The following KAZN variants were observed in gnomAD, a reference collection of about 807,000 sequenced individuals.
KAZN encodes kazrin, periplakin interacting protein.
Under a neutral mutation model 87.4 loss-of-function variants are expected in KAZN, and 40 were observed. That is an observed-to-expected ratio of 0.46 (90% confidence interval 0.36 to 0.60). The LOEUF (loss-of-function observed/expected upper bound fraction) is 0.60, where lower values mean the gene tolerates loss of function less well. KAZN is among the 20% of genes least tolerant of loss of function. The probability of loss-of-function intolerance (pLI) is 0.00; values close to 1 mark genes in which losing one functional copy is unlikely to be tolerated. For synonymous variants in KAZN, 466 were observed against 458.3 expected, an observed-to-expected ratio of 1.02 and a Z score of -0.22; for missense variants, 898 against 1,073.9, an observed-to-expected ratio of 0.84 and a Z score of 2.29.
Position 14,340,375 on chromosome 1 carries a change from GTC to G in KAZN, c.249+159787_249+159788del, listed in dbSNP as rs531155399. ...CAGATCTCTGAAAATATTTTAGTAG[GTC>G]TCTGTTTTTCTTAAGTCACTGGATG... is the stretch of plus-strand genomic sequence containing the variant. On this transcript the variant is annotated intron_variant, in intron 2 of 16. Coordinates refer to the KAZN transcript ENST00000636203. Among the ~76,000 whole-genome samples the G allele has an allele frequency of 1.1e-3, 163 of 152,266 alleles. 2 individuals carry two copies. Among genetic ancestry groups the G allele is most frequent in the Middle Eastern group, 3.4e-3 (1 of 292 alleles).
At chr1:15,101,039 G>A (rs7536059) in intron 10 of KAZN, among the ~76,000 whole-genome samples, 40,058 of 152,056 alleles carry the variant, frequency 0.26, 5,656 homozygotes, top group African/African-American at 0.36. Flanking sequence ...CCTGCCACAC[G>A]TGGCCCTTCT....
At chr1:14,920,065 G>A (rs1024058315) in intron 1 of KAZN, among the ~76,000 whole-genome samples, 59 of 152,052 alleles carry the variant, frequency 3.9e-4, no homozygotes, top group African/African-American at 1.4e-3. Flanking sequence ...AATTGGGGGT[G>A]GGGGAAGGGA....
intron 2 of KAZN, among the ~76,000 whole-genome samples, chr1:14,984,803 G>T (rs933211982): frequency 1.3e-5 from 2 of 152,110 alleles, no homozygotes; most frequent in African/African-American, 4.8e-5. Context: ...AGGGACTCCT[G>T]CTGGCAAAGA....
chr1:14,665,868 C>T (rs1364514856), intron 1 of KAZN, among the ~76,000 whole-genome samples: 1 of 148,950 alleles, frequency 6.7e-6, no homozygotes, highest in Non-Finnish European at 1.5e-5. Flanking sequence ...AAGTGCACCA[C>T]CAGTGTCCAA....
intron 8 of KAZN, among the ~76,000 whole-genome samples, chr1:15,069,541 G>A (rs1334471673): frequency 6.6e-6 from 1 of 152,212 alleles, no homozygotes; most frequent in Non-Finnish European, 1.5e-5. Flanking sequence ...GCAGGAGAAT[G>A]GCATGAACCC....
At chr1:14,725,095 A>G (rs1367940407) in intron 1 of KAZN, among the ~76,000 whole-genome samples, 4 of 152,188 alleles carry the variant, frequency 2.6e-5, no homozygotes, top group African/African-American at 4.8e-5. Context: ...ATCACCATAC[A>G]CTGAATTTTA....
intron 1 of KAZN, 129 bp from the exon 2 acceptor site, chr1:14,960,555 C>T: frequency 1.1e-6 from 1 of 942,566 alleles, no homozygotes; most frequent in South Asian, 1.7e-5. Context: ...GGCCTCCCTT[C>T]ACACATGTAG....
intron 1 of KAZN, among the ~76,000 whole-genome samples, chr1:14,018,104 A>G (rs962183268): frequency 2.6e-5 from 4 of 152,206 alleles, no homozygotes; most frequent in African/African-American, 9.6e-5. Context: ...GTTCGCATTG[A>G]TCACTGGCTA....
At chr1:14,267,594 C>A (rs1651590964) in intron 2 of KAZN, among the ~76,000 whole-genome samples, 1 of 151,974 alleles carries the variant, frequency 6.6e-6, no homozygotes, top group Non-Finnish European at 1.5e-5. Context: ...GGTCCAGGAA[C>A]CAATCCCCCA....
rs189588073 is a variant in KAZN, at chr1:15,006,902, A to G, written c.419-27847A>G. On this transcript the variant is annotated intron_variant, in intron 2 of 14. Coordinates refer to ENST00000376030, the MANE Select transcript of KAZN (RefSeq NM_201628.3). ...AAACCCCGTCTCTACTAAAAATACAAAAAAACTAGCCGGGCATGGTGGCGG... is the reference window on the plus strand; with the variant it reads ...AAACCCCGTCTCTACTAAAAATACAGAAAAACTAGCCGGGCATGGTGGCGG... Among the ~76,000 whole-genome samples the G allele has an allele frequency of 4.4e-3, 666 of 151,968 alleles. 4 individuals carry two copies. Among genetic ancestry groups the G allele is most frequent in the African/African-American group, 0.015 (629 of 41,442 alleles).
chr1:14,482,937 CTT>C (rs1352356677), intron 2 of KAZN, among the ~76,000 whole-genome samples: 3 of 152,174 alleles, frequency 2.0e-5, no homozygotes, highest in Non-Finnish European at 2.9e-5. Flanking sequence ...TACATAACCT[CTT>C]TATTTATACC....
chr1:15,091,266 T>TAA (rs770090849), intron 8 of KAZN, among the ~76,000 whole-genome samples: 2 of 152,244 alleles, frequency 1.3e-5, no homozygotes, highest in African/African-American at 2.4e-5. Flanking sequence ...CACGTGTATA[T>TAA]AATAATTATA....
chr1:14,193,201 C>T (rs1646457547), intron 2 of KAZN, among the ~76,000 whole-genome samples: 2 of 152,166 alleles, frequency 1.3e-5, no homozygotes, highest in African/African-American at 4.8e-5. Context: ...GCCTCCCCAG[C>T]CATGCTGAAC....
At position 14,478,422 on chromosome 1, in the gene KAZN, G is replaced by A. The variant is rs1668892344; in HGVS notation, c.250-120561G>A. ...AGGATAAATGAAAGGTTGGACGGAT[G>A]GGTGGATGGCAGTTTTGGACACTTG... On this transcript the variant is annotated intron_variant, in intron 2 of 16. Coordinates refer to the KAZN transcript ENST00000636203. Among the ~76,000 whole-genome samples, 4 of 152,130 alleles carry A rather than the reference G, an allele frequency of 2.6e-5. No homozygotes were observed. The South Asian group carries it at 8.3e-4, about 32-fold the overall frequency.
chr1:15,056,831 G>A lies in KAZN; in HGVS notation c.916+551G>A, dbSNP rs112090309. Among the ~76,000 whole-genome samples the A allele has an allele frequency of 6.6e-6, 1 of 152,236 alleles. No individual in the cohort carries two copies. The highest frequency in any genetic ancestry group is 6.5e-5 in the Admixed American group (1 of 15,292). On this transcript the variant is annotated intron_variant, in intron 5 of 14. Transcript: ENST00000376030. The surrounding 1 kb of genome is among the most constrained non-coding windows in gnomAD (Gnocchi z 5.4). ...GGCACTCGGCAGGGAAGTCTGGCCT[G>A]TGGACAGCATCTGCACCTACTGCCC...
intron 1 of KAZN, among the ~76,000 whole-genome samples, chr1:14,833,969 TCACACACACACACACA>T (rs56000715): frequency 4.2e-5 from 6 of 141,962 alleles, no homozygotes; most frequent in Admixed American, 7.0e-5. Context: ...CCCAAGTCAT[TCACACACACACACACA>T]CACACACACA....
At chr1:14,387,461 T>C (rs1662025372) in intron 2 of KAZN, among the ~76,000 whole-genome samples, 1 of 152,146 alleles carries the variant, frequency 6.6e-6, no homozygotes, top group Non-Finnish European at 1.5e-5. Flanking sequence ...CTTTTGGTCT[T>C]TGATGATGGT....
chr1:14,905,853 A>ATAAT (rs1656478337), intron 1 of KAZN, among the ~76,000 whole-genome samples: 1 of 147,522 alleles, frequency 6.8e-6, no homozygotes, highest in Non-Finnish European at 1.5e-5. Flanking sequence ...AAAAATAATA[A>ATAAT]TAATAATAAT....
At chr1:15,045,948 G>C (rs1673442134) in intron 4 of KAZN, among the ~76,000 whole-genome samples, 1 of 152,208 alleles carries the variant, frequency 6.6e-6, no homozygotes, top group Admixed American at 6.5e-5. Context: ...TGGGGACCCA[G>C]AGCCAACCAT....
Sources: allele counts gnomAD v4.1 joint callset (sites outside exome capture counted in the v4.1 genomes callset), GRCh38; gene constraint gnomAD v4.1.1; non-coding constraint Gnocchi (gnomAD v3.1); transcripts MANE v1.5; gene names NCBI Gene and HGNC (gene_info 2026-07-23, HGNC 2026-07-21).